UGT3A2: variants seen among roughly 807,000 people sequenced by gnomAD.
UGT3A2 encodes the protein UDP-glycosyltransferase 3A2.
UGT3A2 carries 32 observed loss-of-function variants against 39.8 expected under a neutral mutation model. That is an observed-to-expected ratio of 0.80 (90% CI 0.61 to 1.08). The LOEUF (loss-of-function observed/expected upper bound fraction) is 1.08, where lower values mean the gene tolerates loss of function less well. Ranked by LOEUF, UGT3A2 falls within the 50% of genes least tolerant of loss-of-function variation. The pLI is 0.00. For synonymous variants in UGT3A2, 241 were observed against 230.7 expected (o/e 1.04, Z -0.40); for missense variants, 611 against 637.1 (o/e 0.96, Z 0.44).
rs750031932 is a variant in UGT3A2 at position 36,039,577 on chromosome 5, T to C, written c.975A>G (p.Gln325=). The C allele has an allele frequency of 4.3e-6, 7 of 1,614,066 alleles. 1 individual carries two copies. The highest frequency in any genetic ancestry group is 1.1e-5 in the South Asian group (1 of 91,082). ...AACACTGACACTTCCATATCACCCC[T>C]TGGGGTAGGTGAGCAAAGGCATTGT... ...EMNNAFAHLP[Q]GVIWKCQCSH... Residue 325 remains glutamine (Q), a synonymous_variant, in exon 5 of 7, where the codon CAA becomes CAG. Coordinates refer to ENST00000282507, the MANE Select transcript of UGT3A2 (RefSeq NM_174914.4).
intron 5 of UGT3A2, among the ~76,000 whole-genome samples, chr5:36,038,247 A>T (rs1161189709): frequency 6.6e-6 from 1 of 152,216 alleles, no homozygotes; most frequent in Non-Finnish European, 1.5e-5. Flanking sequence ...GCTAAGGCTT[A>T]GAATTGAGTG....
chr5:36,057,537 C>CTCTCT (rs749087604), intron 2 of UGT3A2, among the ~76,000 whole-genome samples: 1 of 134,732 alleles, frequency 7.4e-6, no homozygotes, highest in Non-Finnish European at 1.6e-5. Flanking sequence ...CTCTCTCTCT[C>CTCTCT]TTTTTTTTTT....
rs1318228530 is a variant in UGT3A2, at chr5:36,049,283, C to G, written c.449G>C (p.Cys150Ser). The change falls in exon 4 of 7, where the codon TGT becomes TCT. Residue 150 changes from cysteine (C) to serine (S), a missense_variant. Cys to Ser is a moderately radical substitution (Grantham distance 112, BLOSUM62 -1). Coordinates refer to ENST00000282507, the MANE Select transcript of UGT3A2 (RefSeq NM_174914.4). Reference sequence around the variant, plus strand: ...AAGCTTCTCAGCAATCAGGAAAGGACAGTAGTCAAAAGTTTCAACTATCAC... The same window carrying G: ...AAGCTTCTCAGCAATCAGGAAAGGAGAGTAGTCAAAAGTTTCAACTATCAC... ...DMVIVETFDYCPFLIAEKLGK... is the reference protein window; with the variant it reads ...DMVIVETFDYSPFLIAEKLGK... 2 of 1,614,014 alleles carry G rather than the reference C, an allele frequency of 1.2e-6. No individual in the cohort carries two copies. The highest frequency in any genetic ancestry group is 2.7e-5 in the African/African-American group (2 of 74,902).
In UGT3A2 at chr5:36,038,029, A is replaced by G; in HGVS notation, c.1076-13T>C. ...ATGCTTGGGTGAGCTGTTGTAAATA[A>G]GAAAGAGGGTGGGACACTTCAGGAT... On this transcript the variant is annotated splice_polypyrimidine_tract_variant and intron_variant, in intron 5 of 6. Coordinates refer to ENST00000282507, the MANE Select transcript of UGT3A2 (RefSeq NM_174914.4). The G allele has an allele frequency of 6.3e-7, 1 of 1,577,752 alleles. No individual in the cohort carries two copies. Among genetic ancestry groups the G allele is most frequent in the Non-Finnish European group, 8.6e-7 (1 of 1,166,302 alleles).
At chr5:36,058,298 C>T (rs1742576815) in intron 2 of UGT3A2, among the ~76,000 whole-genome samples, 1 of 152,092 alleles carries the variant, frequency 6.6e-6, no homozygotes, top group Admixed American at 6.5e-5. Flanking sequence ...TATCATTTCA[C>T]TTATACGCTG....
At position 36,038,014 on chromosome 5, in the gene UGT3A2, G is replaced by A. The variant is rs542527700; in HGVS notation, c.1078C>T (p.His360Tyr). 6 of 1,589,224 alleles carry A rather than the reference G, an allele frequency of 3.8e-6. No individual in the cohort carries two copies. In the South Asian group the frequency reaches 5.8e-5, roughly 15 times the overall value. The part of the protein sequence containing the change: ...DWLPQSDLLA[H>Y]PSIRLFVTHG... ...GTGACAAACAGACGGATGCTTGGGT[G>A]AGCTGTTGTAAATAAGAAAGAGGGT... The change falls in exon 6 of 7, where the codon CAC (histidine) becomes TAC (tyrosine). Residue 360 changes from histidine to tyrosine, a missense_variant and splice_region_variant. Physicochemically the swap from His to Tyr is moderately conservative, Grantham distance 83. Coordinates refer to ENST00000282507, the MANE Select transcript of UGT3A2 (RefSeq NM_174914.4).
Position 36,039,501 on chromosome 5 carries a change from A to G in UGT3A2, c.1051T>C (p.Trp351Arg). 2 of 1,614,202 alleles carry G rather than the reference A, an allele frequency of 1.2e-6. No individual in the cohort carries two copies. Among genetic ancestry groups the G allele is most frequent in the Non-Finnish European group, 1.7e-6 (2 of 1,180,040 alleles). Residue 351 changes from tryptophan to arginine, a missense_variant, in exon 5 of 7, where the codon TGG becomes CGG. Coordinates refer to ENST00000282507, the MANE Select transcript of UGT3A2 (RefSeq NM_174914.4). ...HLAANVKIVD[W>R]LPQSDLLAHP... ...CCCAGGAGGTCACTCTGAGGAAGCC[A>G]GTCCACAATTTTCACATTTGCAGCC... is the stretch of plus-strand genomic sequence containing the variant.
intron 4 of UGT3A2, 108 bp from the exon 5 acceptor site, chr5:36,039,816 T>C (rs985937034): frequency 2.4e-6 from 2 of 830,398 alleles, no homozygotes; most frequent in Middle Eastern, 2.7e-4. Flanking sequence ...CTGTCCTCAC[T>C]GTCCCAAAGC....
At chr5:36,043,717 T>G (rs540532905) in intron 4 of UGT3A2, among the ~76,000 whole-genome samples, 2 of 101,102 alleles carry the variant, frequency 2.0e-5, no homozygotes, top group African/African-American at 5.4e-5. Context: ...ATTAGAAACA[T>G]CTGTGAGCAA....
intron 2 of UGT3A2, among the ~76,000 whole-genome samples, chr5:36,052,252 T>A (rs1211672456): frequency 6.6e-6 from 1 of 152,224 alleles, no homozygotes; most frequent in Non-Finnish European, 1.5e-5. Flanking sequence ...ATTGGTATAG[T>A]TTGTGTTTAA....
chr5:36,055,139 C>CA (rs1261529361), intron 2 of UGT3A2, among the ~76,000 whole-genome samples: 25 of 145,674 alleles, frequency 1.7e-4, no homozygotes, highest in South Asian at 4.3e-4. Context: ...GACTTCATCT[C>CA]AAAAAAAAAA....
chr5:36,055,968 T>C (rs1166382772), intron 2 of UGT3A2, among the ~76,000 whole-genome samples: 1 of 152,154 alleles, frequency 6.6e-6, no homozygotes, highest in Non-Finnish European at 1.5e-5. Context: ...TGTTTTCCTT[T>C]GTTTGTTTCA....
At chr5:36,039,830 T>A (rs776412527) in intron 4 of UGT3A2, 122 bp from the exon 5 acceptor site, 1 of 732,884 alleles carries the variant, frequency 1.4e-6, no homozygotes, top group Non-Finnish European at 2.3e-6. Flanking sequence ...CCAAAGCTAT[T>A]ATTATAGCTC....
intron 4 of UGT3A2, among the ~76,000 whole-genome samples, chr5:36,047,646 G>A (rs1196246490): frequency 6.8e-6 from 1 of 146,008 alleles, no homozygotes; most frequent in Non-Finnish European, 1.6e-5. Context: ...AAAATGCAGA[G>A]AAGAAACATA....
At chr5:36,039,296 G>A (rs1025195765) in intron 5 of UGT3A2, among the ~76,000 whole-genome samples, 181 bp downstream of exon 5, 12 of 152,210 alleles carry the variant, frequency 7.9e-5, no homozygotes, top group Non-Finnish European at 1.6e-4. Flanking sequence ...TTTGGCATCT[G>A]ATCCCATTGG....
At position 36,039,818 on chromosome 5, in the gene UGT3A2, T is replaced by G. The variant is rs111715633; in HGVS notation, c.844-110A>C. 3,128 of 812,690 alleles carry G rather than the reference T, an allele frequency of 3.8e-3. 58 individuals are homozygous for G. The African/African-American group carries it at 0.048, about 12-fold the overall frequency. The allele number at this position is 812,690 out of a possible 1,614,324, so 50.3% of individuals were successfully genotyped here. ...CTAACACAGTGCCCTGTCCTCACTG[T>G]CCCAAAGCTATTATTATAGCTCCTA... On this transcript the variant is annotated intron_variant, in intron 4 of 6. Coordinates refer to ENST00000282507, the MANE Select transcript of UGT3A2 (RefSeq NM_174914.4).
chr5:36,049,436 G>A lies in UGT3A2; in HGVS notation c.312-16C>T. 1 of 1,514,680 alleles carries A rather than the reference G, an allele frequency of 6.6e-7. No homozygotes were observed. The highest frequency in any genetic ancestry group is 8.9e-7 in the Non-Finnish European group (1 of 1,127,442). 93.8% of individuals were successfully genotyped at this position (1,514,680 alleles called of 1,614,324 possible). On this transcript the variant is annotated splice_polypyrimidine_tract_variant and intron_variant, in intron 3 of 6. Transcript: ENST00000282507. ...AAATTTTCCTCTGTAAGAAAAAAAT[G>A]ATAATAAATATTCATGGGAAGTGTT...
chr5:36,052,363 A>G lies in UGT3A2; in HGVS notation c.197-379T>C, dbSNP rs531800936. On this transcript the variant is annotated intron_variant, in intron 2 of 6. Transcript: ENST00000282507. Reference sequence around the variant, plus strand: ...AGTGATACATGCAAATAATTTTTAAATTCAGTCAAAAAGTACTAAAAGACT... The same window carrying G: ...AGTGATACATGCAAATAATTTTTAAGTTCAGTCAAAAAGTACTAAAAGACT... Among the ~76,000 whole-genome samples the G allele has an allele frequency of 7.9e-5, 12 of 152,354 alleles. 1 individual carries two copies. In the South Asian group the frequency reaches 2.5e-3, roughly 32 times the overall value.
chr5:36,043,160 A>C (rs1742063926), intron 4 of UGT3A2, among the ~76,000 whole-genome samples: 1 of 152,132 alleles, frequency 6.6e-6, no homozygotes, highest in Non-Finnish European at 1.5e-5. Flanking sequence ...AAATTCAAAA[A>C]AATTGAAATT....
Sources: allele counts gnomAD v4.1 joint callset (sites outside exome capture counted in the v4.1 genomes callset), GRCh38; gene constraint gnomAD v4.1.1; transcripts MANE v1.5; gene names NCBI Gene and HGNC (gene_info 2026-07-23, HGNC 2026-07-21).